The following USP14 variants were observed in gnomAD, a reference collection of about 807,000 sequenced individuals.
The protein encoded by USP14 is ubiquitin carboxyl-terminal hydrolase 14.
USP14 carries 38 observed loss-of-function variants against 76.5 expected under a neutral mutation model. The ratio of observed to expected loss-of-function variants is 0.50; its 90% confidence interval spans 0.38 to 0.65. USP14 has a LOEUF of 0.65. USP14 is among the 30% of genes least tolerant of loss of function. The pLI, the probability that USP14 is intolerant of heterozygous loss-of-function variation, is 0.00. For missense variants in USP14, 467 were observed against 586.5 expected, an observed-to-expected ratio of 0.80 and a Z score of 2.10; for synonymous variants, 192 against 191.7, an observed-to-expected ratio of 1.00 and a Z score of -0.01.
chr18:186,032 A>G (rs2143030643), intron 5 of USP14, among the ~76,000 whole-genome samples: 2 of 151,950 alleles, frequency 1.3e-5, no homozygotes, highest in African/African-American at 4.8e-5. Context: ...AACAGATTTC[A>G]ACTTGTTCTT....
Position 196,592 on chromosome 18 carries a change from AAT to A in USP14, c.464-42_464-41del, listed in dbSNP as rs35111217. On this transcript the variant is annotated intron_variant, in intron 6 of 15. Transcript: ENST00000261601. Reference sequence around the variant, plus strand: ...AATTAATTTACAGTCGCGTGTATTAAATATGTGACTGTTTTACTAAGGCAATG... The same window carrying A: ...AATTAATTTACAGTCGCGTGTATTAAATGTGACTGTTTTACTAAGGCAATG... The A allele has an allele frequency of 8.9e-4, 1,400 of 1,572,608 alleles. 16 individuals carry two copies. The African/African-American group carries it at 0.017, about 19-fold the overall frequency.
intron 6 of USP14, among the ~76,000 whole-genome samples, chr18:195,936 C>T (rs1312936531): frequency 6.6e-6 from 1 of 152,010 alleles, no homozygotes; most frequent in Non-Finnish European, 1.5e-5. Flanking sequence ...CTAGTGATTG[C>T]TTTGTAAGGT....
chr18:190,258 A>G (rs1359374597), intron 5 of USP14, among the ~76,000 whole-genome samples: 7 of 152,220 alleles, frequency 4.6e-5, no homozygotes, highest in African/African-American at 1.4e-4. Context: ...ATATTCTAGT[A>G]CATTTTTGGG....
Position 171,377 on chromosome 18 carries a change from G to A in USP14, c.195+4558G>A, listed in dbSNP as rs193050015. ...TGACTTTAAGTTGAAACCAATGCTC[G>A]TTTACCATTCCAAAAACCATGGATC... On this transcript the variant is annotated intron_variant, in intron 3 of 15. Transcript: ENST00000261601. Among the ~76,000 whole-genome samples the A allele has an allele frequency of 5.3e-5, 8 of 152,132 alleles. No individual in the cohort carries two copies. In the East Asian group the frequency reaches 5.8e-4, roughly 11 times the overall value.
chr18:167,953 T>C lies in USP14; in HGVS notation c.195+1134T>C, dbSNP rs77944907. 0.023 allele frequency among the ~76,000 whole-genome samples: 3,399 copies of C among 149,566 alleles called. 153 individuals carry two copies. In the East Asian group the frequency reaches 0.26, roughly 12 times the overall value. On this transcript the variant is annotated intron_variant, in intron 3 of 15. Transcript: ENST00000261601. ...TTCTCTCTTTTTTTTTTTTTTTTTT[T>C]TGAGACAGAGTCTCACTCTTATTGC... is the stretch of plus-strand genomic sequence containing the variant.
At chr18:207,893 T>A (rs1910571556) in intron 13 of USP14, among the ~76,000 whole-genome samples, 1 of 152,152 alleles carries the variant, frequency 6.6e-6, no homozygotes, top group Non-Finnish European at 1.5e-5. Context: ...CTAGTAAAGC[T>A]AGCATATAGA....
chr18:200,221 TA>T (rs1031687248), intron 10 of USP14, among the ~76,000 whole-genome samples: 1 of 152,194 alleles, frequency 6.6e-6, no homozygotes, highest in Non-Finnish European at 1.5e-5. Flanking sequence ...GCTGAACTGT[TA>T]ACTTTAAGGA....
Position 203,130 on chromosome 18 carries a change from C to T in USP14, c.975C>T (p.Thr325=). The change falls in exon 12 of 16, where the codon ACC becomes ACT. Residue 325 remains threonine (T), a synonymous_variant. Transcript: ENST00000261601. ...SKISRLPAYL[T]IQMVRFFYKE... Reference sequence around the variant, plus strand: ...TCAGCCGGCTGCCTGCTTACTTGACCATTCAGATGGTTCGATTTTTTTATA... The same window carrying T: ...TCAGCCGGCTGCCTGCTTACTTGACTATTCAGATGGTTCGATTTTTTTATA... 1.2e-6 allele frequency: 2 copies of T among 1,614,090 alleles called. No homozygotes were observed. The highest frequency in any genetic ancestry group is 1.1e-5 in the South Asian group (1 of 91,056).
chr18:201,043 C>T (rs188286148), intron 10 of USP14, among the ~76,000 whole-genome samples: 62 of 152,198 alleles, frequency 4.1e-4, no homozygotes, highest in Middle Eastern at 3.4e-3. Flanking sequence ...CCTTGTGATC[C>T]GCCCACCTCG....
intron 5 of USP14, among the ~76,000 whole-genome samples, chr18:183,659 T>G (rs1325531997): frequency 6.6e-6 from 1 of 152,114 alleles, no homozygotes; most frequent in Non-Finnish European, 1.5e-5. Context: ...CATGACCTTC[T>G]GTTCTTTTTT....
chr18:196,895 T>G, intron 7 of USP14, 128 bp downstream of exon 7: 17 of 1,231,708 alleles, frequency 1.4e-5, no homozygotes, highest in Non-Finnish European at 1.8e-5. Flanking sequence ...CGGCTGTCTC[T>G]TGCCTGGAGC....
At chr18:205,950 A>T (rs552174680) in intron 13 of USP14, among the ~76,000 whole-genome samples, 5 of 152,278 alleles carry the variant, frequency 3.3e-5, no homozygotes, top group Admixed American at 3.3e-4. Context: ...AATCTGCTTC[A>T]CCATTCACCT....
chr18:189,928 T>C (rs1910040564), intron 5 of USP14, among the ~76,000 whole-genome samples: 1 of 152,232 alleles, frequency 6.6e-6, no homozygotes, highest in South Asian at 2.1e-4. Flanking sequence ...TCACAGATCT[T>C]AATCACTAAC....
chr18:204,696 G>T lies in USP14; in HGVS notation c.1164+4G>T. 6 of 1,609,634 alleles carry T rather than the reference G, an allele frequency of 3.7e-6. No individual in the cohort carries two copies. Among genetic ancestry groups the T allele is most frequent in the Non-Finnish European group, 3.4e-6 (4 of 1,178,858 alleles). On this transcript the variant is annotated splice_donor_region_variant and intron_variant, in intron 13 of 15. Transcript: ENST00000261601. ...AGTGAATCAGCAGCCAAATACAGTA[G>T]GTTCTTACTGCTGACTTTATACTCT... is the stretch of plus-strand genomic sequence containing the variant.
chr18:164,360 A>T (rs982329046), intron 2 of USP14, among the ~76,000 whole-genome samples: 5 of 152,040 alleles, frequency 3.3e-5, no homozygotes, highest in Non-Finnish European at 7.4e-5. Flanking sequence ...AATTCAAAGC[A>T]CTTCAGCATT....
At chr18:197,162 T>G (rs1288560852) in intron 7 of USP14, among the ~76,000 whole-genome samples, 1 of 152,240 alleles carries the variant, frequency 6.6e-6, no homozygotes. Flanking sequence ...GCCCTCTTCC[T>G]GCAGGGCCTT....
intron 1 of USP14, among the ~76,000 whole-genome samples, chr18:162,225 A>G (rs956537734): frequency 1.1e-4 from 16 of 152,130 alleles, no homozygotes; most frequent in Non-Finnish European, 1.8e-4. Context: ...TATCTGTTTG[A>G]GTCCTTGCTT....
chr18:168,799 G>A (rs1186388622), intron 3 of USP14, among the ~76,000 whole-genome samples: 6 of 151,978 alleles, frequency 3.9e-5, no homozygotes, highest in African/African-American at 9.7e-5. Context: ...GTGGCCGGGC[G>A]CGGTGGCTCA....
intron 9 of USP14, 42 bp downstream of exon 9, chr18:198,174 T>C (rs540644182): frequency 2.0e-6 from 3 of 1,491,074 alleles, no homozygotes; most frequent in South Asian, 2.7e-5. Flanking sequence ...TCATACCTTA[T>C]TAGAATTGGC....
Sources: allele counts gnomAD v4.1 joint callset (sites outside exome capture counted in the v4.1 genomes callset), GRCh38; gene constraint gnomAD v4.1.1; transcripts MANE v1.5; gene names NCBI Gene and HGNC (gene_info 2026-07-23, HGNC 2026-07-21).